The following COL25A1 variants were observed in gnomAD, a reference collection of about 807,000 sequenced individuals.
The protein encoded by COL25A1 is collagen type XXV alpha 1 chain.
Under a neutral mutation model 128.4 loss-of-function variants are expected in COL25A1, and 103 were observed. The ratio of observed to expected loss-of-function variants is 0.80; its 90% CI spans 0.68 to 0.94. COL25A1 has a LOEUF of 0.94. Among genes scored for constraint, COL25A1 ranks in the 40% least tolerant of loss-of-function variants. The pLI is 0.00. For missense variants in COL25A1, 745 were observed against 840.0 expected (o/e 0.89, Z 1.40); for synonymous variants, 279 against 277.2 (o/e 1.01, Z -0.06).
chr4:109,170,427 T>G (rs566525944), intron 3 of COL25A1, among the ~76,000 whole-genome samples: 18 of 152,234 alleles, frequency 1.2e-4, no homozygotes, highest in African/African-American at 4.1e-4. Context: ...TTTCAGGAGT[T>G]TGAACACCAA....
chr4:109,050,879 CTTG>C (rs1371552154), intron 3 of COL25A1, among the ~76,000 whole-genome samples: 1 of 150,466 alleles, frequency 6.6e-6, no homozygotes, highest in Non-Finnish European at 1.5e-5. Context: ...GAGAAAAAAA[CTTG>C]TTTTTTTTTT....
intron 8 of COL25A1, among the ~76,000 whole-genome samples, chr4:108,961,633 T>C (rs12506782): frequency 5.9e-5 from 9 of 152,292 alleles, no homozygotes; most frequent in Admixed American, 5.9e-4. Flanking sequence ...TCTGTTGTTG[T>C]GTTGTGCTGT....
At chr4:108,844,693 T>C (rs531598372) in intron 29 of COL25A1, 124 bp from the exon 30 acceptor site, 1 of 1,333,730 alleles carries the variant, frequency 7.5e-7, no homozygotes, top group South Asian at 1.6e-5. Context: ...GATACTAGAA[T>C]AAGTGATGTG....
chr4:109,180,534 T>C (rs1489858437), intron 3 of COL25A1, among the ~76,000 whole-genome samples: 1 of 152,142 alleles, frequency 6.6e-6, no homozygotes, highest in Non-Finnish European at 1.5e-5. Flanking sequence ...AATAATTAAA[T>C]GAATTACTGG....
intron 3 of COL25A1, among the ~76,000 whole-genome samples, chr4:109,088,731 A>G (rs1764636222): frequency 6.6e-6 from 1 of 152,220 alleles, no homozygotes; most frequent in East Asian, 1.9e-4. Flanking sequence ...TTACATTCGA[A>G]TAGAAGACAT....
intron 3 of COL25A1, among the ~76,000 whole-genome samples, chr4:109,270,156 G>C (rs372496774): frequency 6.6e-6 from 1 of 152,036 alleles, no homozygotes; most frequent in Admixed American, 6.6e-5. Context: ...TTAAAAACTG[G>C]CACAAGACAG....
intron 6 of COL25A1, among the ~76,000 whole-genome samples, chr4:108,987,493 GC>G: frequency 6.6e-6 from 1 of 152,002 alleles, no homozygotes; most frequent in Admixed American, 6.5e-5. Context: ...CTCTGCCTCA[GC>G]CTGCCGGGTA....
At chr4:108,854,185 AC>A in intron 24 of COL25A1, 2 of 152,198 alleles carry the variant, frequency 1.3e-5, no homozygotes, top group South Asian at 4.1e-4. Flanking sequence ...CTGAAACTGG[AC>A]CCCTTCCTTA....
At chr4:109,283,961 T>C (rs1325347095) in intron 3 of COL25A1, among the ~76,000 whole-genome samples, 2 of 152,214 alleles carry the variant, frequency 1.3e-5, no homozygotes, top group East Asian at 3.9e-4. Context: ...AAAAACAGTG[T>C]TCTATGACCA....
intron 13 of COL25A1, among the ~76,000 whole-genome samples, chr4:108,913,342 C>T (rs1053805576): frequency 7.3e-6 from 1 of 137,486 alleles, no homozygotes; most frequent in Non-Finnish European, 1.5e-5. Flanking sequence ...TCTTGGCTCA[C>T]TTGCAACCTC....
intron 24 of COL25A1, among the ~76,000 whole-genome samples, chr4:108,856,606 G>T (rs1736538294): frequency 1.3e-5 from 2 of 152,044 alleles, no homozygotes; most frequent in Non-Finnish European, 2.9e-5. Flanking sequence ...GATGTGAAAA[G>T]ATAACTATAA....
At chr4:109,230,808 GA>G (rs1779113126) in intron 3 of COL25A1, among the ~76,000 whole-genome samples, 1 of 152,160 alleles carries the variant, frequency 6.6e-6, no homozygotes, top group East Asian at 1.9e-4. Flanking sequence ...CAAAAATGCT[GA>G]TAAAAATTCA....
chr4:109,221,926 T>C (rs1324554675), intron 3 of COL25A1, among the ~76,000 whole-genome samples: 5 of 152,114 alleles, frequency 3.3e-5, no homozygotes, highest in Non-Finnish European at 7.4e-5. Flanking sequence ...TAATAACTCC[T>C]ACAAAAGGAA....
At chr4:108,959,101 A>G (rs1367548174) in intron 8 of COL25A1, among the ~76,000 whole-genome samples, 1 of 152,056 alleles carries the variant, frequency 6.6e-6, no homozygotes, top group South Asian at 2.1e-4. Context: ...GCAAACTCCA[A>G]TGCCAACAGA....
At chr4:109,063,257 C>G (rs974722165) in intron 3 of COL25A1, among the ~76,000 whole-genome samples, 16 of 152,166 alleles carry the variant, frequency 1.1e-4, no homozygotes, top group African/African-American at 3.9e-4. Flanking sequence ...AATCCCAGCA[C>G]TTTGGGAGGC....
intron 6 of COL25A1, among the ~76,000 whole-genome samples, chr4:109,005,726 G>T (rs943925513): frequency 1.3e-5 from 2 of 152,156 alleles, no homozygotes; most frequent in African/African-American, 2.4e-5. Flanking sequence ...GGTTGGCTAA[G>T]GGAGAATTTG....
intron 12 of COL25A1, 145 bp from the exon 13 acceptor site, chr4:108,918,361 A>G (rs537695249): frequency 1.4e-5 from 7 of 501,408 alleles, no homozygotes; most frequent in South Asian, 1.1e-4. Context: ...GTTCAAATAT[A>G]TAATGTAAGC....
intron 23 of COL25A1, among the ~76,000 whole-genome samples, chr4:108,859,965 T>C (rs1265437959): frequency 6.6e-6 from 1 of 152,172 alleles, no homozygotes; most frequent in Non-Finnish European, 1.5e-5. Flanking sequence ...TGAAATCTGA[T>C]AAAAAATACG....
At chr4:108,826,994 A>C (rs1193389459) in intron 33 of COL25A1, 141 bp downstream of exon 33, 45 of 723,288 alleles carry the variant, frequency 6.2e-5, no homozygotes, top group Non-Finnish European at 6.6e-5. Context: ...AGGACATGGA[A>C]GTACTGAATT....
Sources: gnomAD v4.1 joint callset for allele counts (sites outside exome capture counted in the v4.1 genomes callset) on GRCh38, gnomAD v4.1.1 for gene constraint, MANE v1.5 for transcripts, NCBI Gene and HGNC (gene_info 2026-07-23, HGNC 2026-07-21) for gene names.